MYH11: variants seen among roughly 807,000 people sequenced by gnomAD.
MYH11 encodes myosin-11.
MYH11 carries 80 observed loss-of-function variants against 246.6 expected under a neutral mutation model. That is an observed-to-expected ratio of 0.32 (90% CI 0.27 to 0.39). MYH11 has a LOEUF of 0.39. MYH11 is among the 10% of genes least tolerant of loss of function. The probability of loss-of-function intolerance (pLI) is 1.00; values close to 1 mark genes in which losing one functional copy is unlikely to be tolerated. For synonymous variants in MYH11, 1,071 were observed against 1,015.5 expected, an observed-to-expected ratio of 1.05 and a Z score of -1.04; for missense variants, 2,158 against 2,546.8, an observed-to-expected ratio of 0.85 and a Z score of 3.29.
At chr16:15,784,290 C>G (rs1373210656) in intron 5 of MYH11, among the ~76,000 whole-genome samples, 1 of 152,184 alleles carries the variant, frequency 6.6e-6, no homozygotes, top group Admixed American at 6.5e-5. Flanking sequence ...GTGCCATCGA[C>G]TGTCCATCGA....
intron 26 of MYH11, 46 bp downstream of exon 26, chr16:15,735,320 T>G: frequency 6.4e-7 from 1 of 1,574,184 alleles, no homozygotes; most frequent in Non-Finnish European, 8.7e-7. Flanking sequence ...CCCCATCCCA[T>G]TGGTGCAGTG....
rs938085723 is a variant in MYH11, at chr16:15,724,873, T to C, written c.3963+15A>G. ...CACCCCCCAGGTCCCCTGGATGATG[T>C]GGCAGGACACTCACCTGGGTGTCCT... On this transcript the variant is annotated intron_variant, in intron 29 of 40. Transcript: ENST00000300036. The C allele has an allele frequency of 5.0e-6, 8 of 1,613,914 alleles. 1 individual carries two copies. In the African/African-American group the frequency reaches 6.7e-5, roughly 13 times the overall value.
In MYH11 at chr16:15,759,746, G is replaced by C; in HGVS notation, c.1249-18C>G. ...AAGTCAGCCTGCAGAGGGCAACCAG[G>C]GGAACCCGGTTATTCTCAATGGGCT... is the stretch of plus-strand genomic sequence containing the variant. On this transcript the variant is annotated intron_variant, in intron 11 of 40. Coordinates refer to ENST00000300036, the MANE Select transcript of MYH11 (RefSeq NM_002474.3). The C allele has an allele frequency of 6.2e-7, 1 of 1,613,708 alleles. No homozygotes were observed. Among genetic ancestry groups the C allele is most frequent in the South Asian group, 1.1e-5 (1 of 91,056 alleles).
At chr16:15,711,745 T>G (rs1379221524) in intron 40 of MYH11, among the ~76,000 whole-genome samples, 3 of 152,128 alleles carry the variant, frequency 2.0e-5, no homozygotes, top group Non-Finnish European at 4.4e-5. Flanking sequence ...CAGGCTGAAG[T>G]GCAGTGGTGC....
intron 1 of MYH11, among the ~76,000 whole-genome samples, chr16:15,851,676 G>A (rs2044332943): frequency 6.6e-6 from 1 of 151,864 alleles, no homozygotes; most frequent in African/African-American, 2.4e-5. Context: ...ACTTTTACAG[G>A]AAAAAAAGTG....
At chr16:15,811,987 T>C (rs1284538508) in intron 3 of MYH11, among the ~76,000 whole-genome samples, 1 of 152,194 alleles carries the variant, frequency 6.6e-6, no homozygotes, top group Non-Finnish European at 1.5e-5. Context: ...AAAGTGGTTC[T>C]TGTCTGGAGG....
rs1202922105 is a variant in MYH11 at position 15,735,262 on chromosome 16, G to T, written c.3506+104C>A. ...GCAAACCGCGGCCAGGAAGGTAAAT[G>T]CACAGGGGCTGATGCACGATTTGCT... On this transcript the variant is annotated intron_variant, in intron 26 of 40. Coordinates refer to ENST00000300036, the MANE Select transcript of MYH11 (RefSeq NM_002474.3). 3.2e-6 allele frequency: 4 copies of T among 1,266,202 alleles called. No individual in the cohort carries two copies. The African/African-American group carries it at 4.4e-5, about 14-fold the overall frequency. 78.4% of individuals were successfully genotyped at this position (1,266,202 alleles called of 1,614,324 possible).
chr16:15,748,165 C>T lies in MYH11; in HGVS notation c.2062G>A (p.Gly688Ser), dbSNP rs760793367. ...CIIPNHEKRS[G>S]KLDAFLVLEQ... ...AGCACCAGGAACGCATCCAGCTTGC[C>T]GGACTGCAAAGGTCAAAGAGGGCAG... Residue 688 changes from glycine to serine, a missense_variant, in exon 17 of 41, where the codon GGC (glycine) becomes AGC (serine). Physicochemically the swap from Gly to Ser is moderately conservative, Grantham distance 56. Coordinates refer to ENST00000300036, the MANE Select transcript of MYH11 (RefSeq NM_002474.3). 14 of 1,613,544 alleles carry T rather than the reference C, an allele frequency of 8.7e-6. No homozygotes were observed. Among genetic ancestry groups the T allele is most frequent in the South Asian group, 5.5e-5 (5 of 91,090 alleles).
At chr16:15,812,906 C>G (rs1453321989) in intron 3 of MYH11, among the ~76,000 whole-genome samples, 1 of 151,570 alleles carries the variant, frequency 6.6e-6, no homozygotes, top group African/African-American at 2.4e-5. Flanking sequence ...GTGGCTCATG[C>G]CTGTAATCCC....
chr16:15,724,595 C>A, intron 30 of MYH11, 52 bp downstream of exon 30: 1 of 1,612,314 alleles, frequency 6.2e-7, no homozygotes, highest in Non-Finnish European at 8.5e-7. Flanking sequence ...GGGATCTCAG[C>A]GCAGAGAAGT....
At chr16:15,822,784 T>C (rs2043448645) in intron 3 of MYH11, among the ~76,000 whole-genome samples, 1 of 152,210 alleles carries the variant, frequency 6.6e-6, no homozygotes, top group South Asian at 2.1e-4. Context: ...GTCTTAAGTT[T>C]GGAAAAACCA....
In MYH11 at chr16:15,737,546, C is replaced by G. The variant is rs200315340; in HGVS notation, c.3196G>C (p.Asp1066His). Residue 1066 changes from aspartate (D) to histidine (H), a missense_variant, in exon 25 of 41, where the codon GAC (aspartate) becomes CAC (histidine). Physicochemically the swap from Asp to His is moderately conservative, Grantham distance 81. This residue lies in a region of MYH11 where 284 missense variants were observed against 315.4 expected (regional missense o/e 0.90). Transcript: ENST00000300036. ...AGGTCAGCGATCTGCTCGTGGAAGT[C>G]GCTGGCATCACCCTCCAGCTTCCGT... ...LKRKLEGDAS[D>H]FHEQIADLQA... The G allele has an allele frequency of 6.2e-7, 1 of 1,614,018 alleles. No homozygotes were observed. The highest frequency in any genetic ancestry group is 8.5e-7 in the Non-Finnish European group (1 of 1,180,030).
rs1207730148 is a variant in MYH11 at position 15,813,864 on chromosome 16, G to A, written c.502+9391C>T. On this transcript the variant is annotated intron_variant, in intron 3 of 40. Transcript: ENST00000300036. ...GGGGGGAAAAGGCAAAAAAAAAAAA[G>A]TGTAAAAAGGCCGGGCGTGGTGGTT... Among the ~76,000 whole-genome samples, 9 of 142,124 alleles carry A rather than the reference G, an allele frequency of 6.3e-5. No homozygotes were observed. The South Asian group carries it at 1.1e-3, about 17-fold the overall frequency. The allele number at this position is 142,124 out of a possible 152,430, so 93.2% of individuals were successfully genotyped here.
rs547481678 is a variant in MYH11, at chr16:15,823,157, A to G, written c.502+98T>C. The G allele has an allele frequency of 3.9e-6, 6 of 1,540,028 alleles. No homozygotes were observed. The East Asian group carries it at 1.3e-4, about 35-fold the overall frequency. ...GCCACAGTAACTCCTGGTCCCTCGC[A>G]GTGCCTGCCAAACTCCACATTCCTG... On this transcript the variant is annotated intron_variant, in intron 3 of 40. Coordinates refer to ENST00000300036, the MANE Select transcript of MYH11 (RefSeq NM_002474.3).
intron 1 of MYH11, among the ~76,000 whole-genome samples, chr16:15,850,674 C>T (rs527266380): frequency 6.6e-6 from 1 of 152,064 alleles, no homozygotes; most frequent in African/African-American, 2.4e-5. Flanking sequence ...GCAGGCAGTT[C>T]GCTTGAGCTT....
chr16:15,855,103 A>C (rs2044429219), intron 1 of MYH11, among the ~76,000 whole-genome samples: 2 of 152,148 alleles, frequency 1.3e-5, no homozygotes, highest in Non-Finnish European at 2.9e-5. Flanking sequence ...AGTAATGATA[A>C]CAAATCCATA....
intron 2 of MYH11, among the ~76,000 whole-genome samples, chr16:15,830,084 G>C (rs1488121764): frequency 6.6e-6 from 1 of 151,902 alleles, no homozygotes; most frequent in Non-Finnish European, 1.5e-5. Context: ...GCAGTGAGCT[G>C]AGATTGTGCC....
rs1445320074 is a variant in MYH11, at chr16:15,718,331, C to T, written c.5279G>A (p.Arg1760His). ...GGCCCTCACCTGCTGTGTGGCTTTG[C>T]GGACCCGGTCGCTCATGGCCTCCAT... Reference protein sequence around the residue: ...GNMEAMSDRVRKATQQAEQLS... With the variant: ...GNMEAMSDRVHKATQQAEQLS... The change falls in exon 37 of 41, where the codon CGC becomes CAC. Residue 1760 changes from arginine to histidine, a missense_variant. Transcript: ENST00000300036. 9.9e-6 allele frequency: 16 copies of T among 1,608,882 alleles called. No individual in the cohort carries two copies. Among genetic ancestry groups the T allele is most frequent in the Middle Eastern group, 1.7e-4 (1 of 5,866 alleles).
At chr16:15,756,791 CTCT>C (rs2041730389) in intron 13 of MYH11, among the ~76,000 whole-genome samples, 5 of 127,918 alleles carry the variant, frequency 3.9e-5, no homozygotes, top group Admixed American at 1.8e-4. Context: ...GAGTTCATAA[CTCT>C]TTTTTTTTTT....
Sources: gnomAD v4.1 joint callset for allele counts (sites outside exome capture counted in the v4.1 genomes callset) on GRCh38, gnomAD v4.1.1 for gene constraint, gnomAD v4.1.1 regional missense constraint, MANE v1.5 for transcripts, NCBI Gene and HGNC (gene_info 2026-07-23, HGNC 2026-07-21) for gene names.